The following INPP5F variants were observed in gnomAD, a reference collection of about 807,000 sequenced individuals.
The protein encoded by INPP5F is phosphatidylinositide 4-phosphatase SAC2.
Under a neutral mutation model 137.2 loss-of-function variants are expected in INPP5F, and 97 were observed. That is an observed-to-expected ratio of 0.71 (90% CI 0.60 to 0.84). The LOEUF (loss-of-function observed/expected upper bound fraction) is 0.84. INPP5F is among the 40% of genes least tolerant of loss of function. INPP5F has a pLI of 0.00. For synonymous variants in INPP5F, 504 were observed against 476.9 expected, an observed-to-expected ratio of 1.06 and a Z score of -0.74; for missense variants, 1,271 against 1,371.9, an observed-to-expected ratio of 0.93 and a Z score of 1.16.
intron 2 of INPP5F, among the ~76,000 whole-genome samples, chr10:119,763,495 G>C (rs1849065302): frequency 1.3e-5 from 2 of 152,188 alleles, no homozygotes; most frequent in African/African-American, 4.8e-5. Flanking sequence ...CTGCCAAAAA[G>C]CTCTATGGTC....
chr10:119,742,314 C>G (rs1218226802), intron 1 of INPP5F, among the ~76,000 whole-genome samples: 2 of 152,032 alleles, frequency 1.3e-5, no homozygotes, highest in Non-Finnish European at 2.9e-5. Flanking sequence ...GCCACCATGC[C>G]TGGTTAATTT....
chr10:119,819,808 T>C, intron 15 of INPP5F: 1 of 303,152 alleles, frequency 3.3e-6, no homozygotes, highest in Non-Finnish European at 6.0e-6. Flanking sequence ...GTGTCTCTGA[T>C]GTAAAAAACT....
intron 2 of INPP5F, among the ~76,000 whole-genome samples, chr10:119,768,095 C>T (rs1266091907): frequency 6.6e-6 from 1 of 152,168 alleles, no homozygotes. Flanking sequence ...CAAATATAGA[C>T]TCTTCTGTGG....
At chr10:119,757,595 C>G (rs1039017048) in intron 2 of INPP5F, among the ~76,000 whole-genome samples, 2 of 151,558 alleles carry the variant, frequency 1.3e-5, no homozygotes, top group African/African-American at 4.8e-5. Context: ...AATTTGAGAC[C>G]AGCCTGACCA....
chr10:119,817,653 T>C (rs1201613338), intron 15 of INPP5F, among the ~76,000 whole-genome samples: 2 of 152,168 alleles, frequency 1.3e-5, no homozygotes, highest in Non-Finnish European at 2.9e-5. Context: ...TGGAAAAACA[T>C]GTATTCAAAC....
intron 19 of INPP5F, among the ~76,000 whole-genome samples, chr10:119,826,266 T>C (rs1229402920): frequency 6.6e-6 from 1 of 152,236 alleles, no homozygotes; most frequent in Non-Finnish European, 1.5e-5. Flanking sequence ...TGAATTCAGG[T>C]GTGCTGTAAT....
chr10:119,769,594 G>A (rs149678257), intron 2 of INPP5F, among the ~76,000 whole-genome samples: 199 of 152,292 alleles, frequency 1.3e-3, no homozygotes, highest in African/African-American at 4.3e-3. Flanking sequence ...GTGTAGGTGA[G>A]CATCATCCCG....
intron 12 of INPP5F, among the ~76,000 whole-genome samples, chr10:119,806,837 T>G (rs968664351): frequency 6.6e-6 from 1 of 151,602 alleles, no homozygotes; most frequent in Non-Finnish European, 1.5e-5. Context: ...AGATGCAGTC[T>G]TGCTCTGTTG....
chr10:119,774,293 A>G (rs1049074615), intron 2 of INPP5F, among the ~76,000 whole-genome samples: 1 of 150,660 alleles, frequency 6.6e-6, no homozygotes, highest in Non-Finnish European at 1.5e-5. Context: ...ACTCCCTAGA[A>G]GTCCCATAAG....
chr10:119,743,076 C>T (rs2134113387), intron 1 of INPP5F, among the ~76,000 whole-genome samples: 1 of 152,302 alleles, frequency 6.6e-6, no homozygotes, highest in Non-Finnish European at 1.5e-5. Flanking sequence ...CAGTGTTGGG[C>T]AGTTACTTTA....
At chr10:119,795,576 C>T (rs1464380744) in intron 6 of INPP5F, among the ~76,000 whole-genome samples, 2 of 151,124 alleles carry the variant, frequency 1.3e-5, no homozygotes, top group Admixed American at 6.6e-5. Flanking sequence ...CGGGCAGAGA[C>T]GCTCCTCACT....
At position 119,811,786 on chromosome 10, in the gene INPP5F, G is replaced by T; in HGVS notation, c.1717G>T (p.Asp573Tyr). ...DLMQGIPVTE[D>Y]LYSIFTKEKE... ...GATGCAAGGCATTCCAGTGACAGAA[G>T]ATCTTTATTCCATATTTACCAAGGA... Residue 573 changes from aspartate to tyrosine, a missense_variant, in exon 15 of 20, where the codon GAT (aspartate) becomes TAT (tyrosine). Transcript: ENST00000650623. The T allele has an allele frequency of 6.2e-7, 1 of 1,614,038 alleles. No individual in the cohort carries two copies. The highest frequency in any genetic ancestry group is 8.5e-7 in the Non-Finnish European group (1 of 1,179,936).
intron 15 of INPP5F, among the ~76,000 whole-genome samples, chr10:119,813,271 C>T (rs569812053): frequency 6.6e-6 from 1 of 152,206 alleles, no homozygotes; most frequent in East Asian, 1.9e-4. Context: ...GCAACAAAGT[C>T]TGGGTAAGGA....
intron 15 of INPP5F, among the ~76,000 whole-genome samples, chr10:119,820,194 G>A (rs1318763534): frequency 6.6e-6 from 1 of 151,862 alleles, no homozygotes; most frequent in African/African-American, 2.4e-5. Context: ...CTGTAGTTTT[G>A]GTTTCATGGT....
chr10:119,808,928 G>C (rs1186664147), intron 13 of INPP5F, among the ~76,000 whole-genome samples: 2 of 152,128 alleles, frequency 1.3e-5, no homozygotes, highest in Non-Finnish European at 2.9e-5. Flanking sequence ...GTAAACTTTG[G>C]AAGTCCTGGT....
chr10:119,800,274 T>C (rs974614023), intron 9 of INPP5F, among the ~76,000 whole-genome samples: 2 of 151,882 alleles, frequency 1.3e-5, no homozygotes, highest in Non-Finnish European at 2.9e-5. Context: ...TAAAAATGCC[T>C]GCTGGGCGTG....
At position 119,746,702 on chromosome 10, in the gene INPP5F, A is replaced by G. The variant is rs150184755; in HGVS notation, c.98-4374A>G. On this transcript the variant is annotated intron_variant, in intron 1 of 19. Transcript: ENST00000650623. ...AGTCCTTAATGTGAAAGGAACTTGT[A>G]AGTCAATGAAAGATATAAAGAAAAA... Among the ~76,000 whole-genome samples the G allele has an allele frequency of 5.9e-5, 9 of 152,346 alleles. No individual in the cohort carries two copies. The East Asian group carries it at 1.5e-3, about 26-fold the overall frequency.
rs760934214 is a variant in INPP5F, at chr10:119,806,508, T to A, written c.1440+28T>A. 2.6e-6 allele frequency: 4 copies of A among 1,550,688 alleles called. No homozygotes were observed. In the Admixed American group the frequency reaches 9.0e-5, roughly 35 times the overall value. On this transcript the variant is annotated intron_variant, in intron 12 of 19. Transcript: ENST00000650623. ...AATTTGGAGTCTGTTGGATTGCAAA[T>A]ATTCATTTCGAAATGCTTTTTTTTT...
rs747466506 is a variant in INPP5F, at chr10:119,796,953, G to A, written c.868+40G>A. On this transcript the variant is annotated intron_variant, in intron 7 of 19. Transcript: ENST00000650623. ...GTAATAGCATTCAAATCAAATCCAG[G>A]CGAGAATGGAAAAGCTGCAGATGTG... 6 of 1,546,796 alleles carry A rather than the reference G, an allele frequency of 3.9e-6. No individual in the cohort carries two copies. In the African/African-American group the frequency reaches 6.8e-5, roughly 17 times the overall value.
Sources: allele counts gnomAD v4.1 joint callset (sites outside exome capture counted in the v4.1 genomes callset), GRCh38; gene constraint gnomAD v4.1.1; transcripts MANE v1.5; gene names NCBI Gene and HGNC (gene_info 2026-07-23, HGNC 2026-07-21).